The following TRIP12 variants were observed in gnomAD, a reference collection of about 807,000 sequenced individuals.
TRIP12 encodes the protein E3 ubiquitin-protein ligase TRIP12.
Under a neutral mutation model 244.2 loss-of-function variants are expected in TRIP12, and 25 were observed. The observed-to-expected ratio is 0.10, with a 90% CI of 0.07 to 0.14. The LOEUF is 0.14. Ranked by LOEUF, TRIP12 falls within the 10% of genes least tolerant of loss-of-function variation. TRIP12 has a pLI of 1.00. For synonymous variants in TRIP12, 905 were observed against 873.1 expected (o/e 1.04, Z -0.64); for missense variants, 1,677 against 2,486.4 (o/e 0.67, Z 6.92).
chr2:229,853,635 C>A (rs1012295385), intron 4 of TRIP12, among the ~76,000 whole-genome samples: 1 of 151,752 alleles, frequency 6.6e-6, no homozygotes, highest in Non-Finnish European at 1.5e-5. Context: ...CCAGACTGGG[C>A]GACAAGAATG....
chr2:229,829,009 G>A (rs186796560), intron 8 of TRIP12, among the ~76,000 whole-genome samples, 184 bp downstream of exon 8: 3 of 152,178 alleles, frequency 2.0e-5, no homozygotes, highest in South Asian at 2.1e-4. Context: ...AATCAATCTC[G>A]CTACAAAATC....
chr2:229,783,068 C>T (rs1443034276), intron 34 of TRIP12, among the ~76,000 whole-genome samples: 1 of 152,196 alleles, frequency 6.6e-6, no homozygotes, highest in Non-Finnish European at 1.5e-5. Context: ...ATGTCTATGA[C>T]ACAAGGCAGC....
intron 18 of TRIP12, among the ~76,000 whole-genome samples, chr2:229,804,729 G>A (rs954643694): frequency 2.6e-5 from 4 of 152,102 alleles, no homozygotes; most frequent in African/African-American, 4.8e-5. Flanking sequence ...TCTGTAAGCC[G>A]AATCCAGTCC....
intron 1 of TRIP12, among the ~76,000 whole-genome samples, chr2:229,910,416 T>C (rs2074035673): frequency 2.0e-5 from 3 of 152,130 alleles, no homozygotes; most frequent in Admixed American, 2.0e-4. Flanking sequence ...AGTAGACCCA[T>C]TTTATAGAAG....
intron 11 of TRIP12, among the ~76,000 whole-genome samples, chr2:229,814,671 A>G (rs2048074326): frequency 6.6e-6 from 1 of 152,204 alleles, no homozygotes; most frequent in South Asian, 2.1e-4. Flanking sequence ...TATCAGATAA[A>G]GCAAATTTTG....
At chr2:229,862,219 T>C (rs2060590377) in intron 2 of TRIP12, among the ~76,000 whole-genome samples, 1 of 152,202 alleles carries the variant, frequency 6.6e-6, no homozygotes, top group East Asian at 1.9e-4. Context: ...TATTCTCCCA[T>C]TGCAGACTAA....
chr2:229,883,549 A>G (rs1156789703), intron 1 of TRIP12, among the ~76,000 whole-genome samples: 1 of 152,230 alleles, frequency 6.6e-6, no homozygotes, highest in Admixed American at 6.5e-5. Flanking sequence ...TAATATCCCT[A>G]TCAAATCCTG....
At chr2:229,781,586 C>T (rs572619443) in intron 34 of TRIP12, among the ~76,000 whole-genome samples, 1 of 152,318 alleles carries the variant, frequency 6.6e-6, no homozygotes, top group Non-Finnish European at 1.5e-5. Flanking sequence ...TACTGGGTCA[C>T]TGGGTCATTT....
chr2:229,815,345 C>A (rs2048233767), intron 9 of TRIP12, 37 bp from the exon 10 acceptor site: 3 of 1,247,838 alleles, frequency 2.4e-6, no homozygotes, highest in South Asian at 2.7e-5. Context: ...AAGCTATATT[C>A]CTTGGGAAAA....
chr2:229,813,835 C>A (rs979217287), intron 13 of TRIP12, 35 bp downstream of exon 13: 2 of 1,349,252 alleles, frequency 1.5e-6, no homozygotes, highest in Admixed American at 2.8e-5. Flanking sequence ...AGTAATAAAA[C>A]ACTTTATGGC....
chr2:229,774,332 ATATCCTAATAAAATATAAGC>A (rs1177918021), intron 37 of TRIP12, 71 bp from the exon 38 acceptor site: 6 of 1,447,160 alleles, frequency 4.1e-6, no homozygotes, highest in Non-Finnish European at 5.6e-6. Flanking sequence ...AAAATAAAAG[ATATCCTAATAAAATATAAGC>A]TATCCTAATA....
chr2:229,898,650 T>C (rs928762627), intron 1 of TRIP12, among the ~76,000 whole-genome samples: 1 of 152,008 alleles, frequency 6.6e-6, no homozygotes, highest in African/African-American at 2.4e-5. Flanking sequence ...ATACACAGTA[T>C]AAAAAAAAGA....
intron 4 of TRIP12, among the ~76,000 whole-genome samples, chr2:229,856,627 G>A (rs2059652323): frequency 6.6e-6 from 1 of 152,164 alleles, no homozygotes; most frequent in South Asian, 2.1e-4. Flanking sequence ...AAGGGGAAGT[G>A]AATCCTAAGC....
At chr2:229,897,618 G>A (rs2069242968) in intron 1 of TRIP12, among the ~76,000 whole-genome samples, 1 of 152,248 alleles carries the variant, frequency 6.6e-6, no homozygotes. Flanking sequence ...CTGCACTCCA[G>A]CCTGGGCGAC....
At chr2:229,846,780 C>T (rs2057665260) in intron 4 of TRIP12, among the ~76,000 whole-genome samples, 1 of 152,120 alleles carries the variant, frequency 6.6e-6, no homozygotes, top group African/African-American at 2.4e-5. Flanking sequence ...TGAGCTAAAT[C>T]CCAAATGCAA....
At chr2:229,836,527 A>G (rs1282465169) in intron 6 of TRIP12, among the ~76,000 whole-genome samples, 3 of 152,204 alleles carry the variant, frequency 2.0e-5, no homozygotes, top group Admixed American at 6.5e-5. Flanking sequence ...GTGTGAAGCA[A>G]TTTAAACTAT....
At chr2:229,800,789 A>G (rs1162406150) in intron 21 of TRIP12, among the ~76,000 whole-genome samples, 1 of 152,174 alleles carries the variant, frequency 6.6e-6, no homozygotes, top group African/African-American at 2.4e-5. Context: ...TGAGCTGGGC[A>G]TGCTAGCACA....
intron 16 of TRIP12, 144 bp downstream of exon 16, chr2:229,808,108 A>G: frequency 1.4e-6 from 1 of 705,292 alleles, no homozygotes; most frequent in Non-Finnish European, 2.3e-6. Context: ...CTGGGATTAC[A>G]GGCGCCCGCC....
chr2:229,919,436 G>A (rs777866282), intron 1 of TRIP12, among the ~76,000 whole-genome samples: 5 of 151,800 alleles, frequency 3.3e-5, no homozygotes, highest in Non-Finnish European at 7.4e-5. Flanking sequence ...AAGTTACAAT[G>A]GGAAAGGAAT....
Sources: gnomAD v4.1 joint callset for allele counts (sites outside exome capture counted in the v4.1 genomes callset) on GRCh38, gnomAD v4.1.1 for gene constraint, MANE v1.5 for transcripts, NCBI Gene and HGNC (gene_info 2026-07-23, HGNC 2026-07-21) for gene names.